The following DNM3 variants were observed in gnomAD, a reference collection of about 807,000 sequenced individuals.
DNM3 encodes the protein dynamin-3.
In DNM3, 47 loss-of-function variants were observed where a neutral mutation model predicts 101.6. The ratio of observed to expected loss-of-function variants is 0.46; its 90% confidence interval spans 0.37 to 0.59. The LOEUF (loss-of-function observed/expected upper bound fraction) is 0.59. Among genes scored for constraint, DNM3 ranks in the 20% least tolerant of loss-of-function variants. The pLI is 0.00. For missense variants in DNM3, 849 were observed against 1,085.7 expected, an observed-to-expected ratio of 0.78 and a Z score of 3.06; for synonymous variants, 385 against 387.9, an observed-to-expected ratio of 0.99 and a Z score of 0.09.
intron 13 of DNM3, among the ~76,000 whole-genome samples, chr1:172,109,466 T>C (rs1558582474): frequency 6.6e-6 from 1 of 152,232 alleles, no homozygotes; most frequent in Admixed American, 6.5e-5. Context: ...ACTCATCCTG[T>C]GCACATAGCC....
At chr1:171,954,008 T>A (rs1404274761) in intron 2 of DNM3, among the ~76,000 whole-genome samples, 2 of 152,154 alleles carry the variant, frequency 1.3e-5, no homozygotes, top group African/African-American at 2.4e-5. Flanking sequence ...CTGCATGCAA[T>A]CCCTGTGGGC....
intron 15 of DNM3, among the ~76,000 whole-genome samples, chr1:172,296,411 TTCCA>T (rs2064164013): frequency 6.6e-6 from 1 of 152,194 alleles, no homozygotes; most frequent in Non-Finnish European, 1.5e-5. Flanking sequence ...ACTGGGTCAT[TTCCA>T]GGTTTGAACC....
chr1:171,845,348 A>G (rs1453077602), intron 1 of DNM3, among the ~76,000 whole-genome samples: 1 of 152,242 alleles, frequency 6.6e-6, no homozygotes, highest in Admixed American at 6.5e-5. Context: ...CAGGAGTTTG[A>G]GACCAGTCTG....
At chr1:172,413,445 T>C (rs951875752), downstream of DNM3, among the ~76,000 whole-genome samples, 19 of 152,262 alleles carry the variant, frequency 1.2e-4, no homozygotes, top group South Asian at 2.1e-4. Flanking sequence ...GCCAGGATGG[T>C]CTCGATCTCT....
At chr1:171,856,992 G>GA (rs1365357638) in intron 1 of DNM3, among the ~76,000 whole-genome samples, 1 of 152,208 alleles carries the variant, frequency 6.6e-6, no homozygotes, top group Non-Finnish European at 1.5e-5. Context: ...CAGACGCACA[G>GA]AAATAAGGAT....
At chr1:172,167,473 T>C (rs2058792629) in intron 14 of DNM3, among the ~76,000 whole-genome samples, 1 of 152,096 alleles carries the variant, frequency 6.6e-6, no homozygotes, top group Non-Finnish European at 1.5e-5. Context: ...TTTCTAGTTC[T>C]AGATCCTTGA....
chr1:172,017,347 C>T (rs2104037), intron 4 of DNM3, among the ~76,000 whole-genome samples: 108,870 of 151,952 alleles, frequency 0.72, 40,276 homozygotes, highest in African/African-American at 0.91. Flanking sequence ...ATATTATACA[C>T]TTCCTTCTAA....
chr1:171,892,910 G>A (rs548098419), intron 1 of DNM3, among the ~76,000 whole-genome samples: 4 of 150,168 alleles, frequency 2.7e-5, no homozygotes, highest in Non-Finnish European at 4.4e-5. Flanking sequence ...GACAGGAAGC[G>A]GAGCTCAGGT....
downstream of DNM3, among the ~76,000 whole-genome samples, chr1:172,413,826 T>C (rs1371766512): frequency 1.3e-5 from 2 of 152,228 alleles, no homozygotes; most frequent in African/African-American, 2.4e-5. Flanking sequence ...TTCTTTTTCA[T>C]ATCTATACAT....
chr1:172,025,443 C>G (rs940171500), intron 4 of DNM3, among the ~76,000 whole-genome samples: 1 of 152,206 alleles, frequency 6.6e-6, no homozygotes, highest in Admixed American at 6.5e-5. Flanking sequence ...GCACAGCATT[C>G]GAGCTCTGCT....
At chr1:171,928,082 C>G (rs1460999291) in intron 2 of DNM3, among the ~76,000 whole-genome samples, 1 of 152,164 alleles carries the variant, frequency 6.6e-6, no homozygotes. Flanking sequence ...GACTTCTTAT[C>G]TCTGGCTTCA....
chr1:171,917,182 G>A (rs2039780762), intron 1 of DNM3, among the ~76,000 whole-genome samples: 1 of 152,136 alleles, frequency 6.6e-6, no homozygotes, highest in Admixed American at 6.5e-5. Flanking sequence ...TCAGTTAAGG[G>A]CAGATGTTAA....
chr1:171,842,615 G>T (rs2031442678), intron 1 of DNM3, among the ~76,000 whole-genome samples: 1 of 152,048 alleles, frequency 6.6e-6, no homozygotes, highest in African/African-American at 2.4e-5. Flanking sequence ...GAACTGACCA[G>T]CATCTTTCTC....
chr1:171,874,501 G>A (rs1207282422), intron 1 of DNM3, among the ~76,000 whole-genome samples: 1 of 152,124 alleles, frequency 6.6e-6, no homozygotes, highest in Non-Finnish European at 1.5e-5. Context: ...TGGTAGAGTT[G>A]ATGAAATTGT....
chr1:171,984,485 G>A (rs138916602), intron 2 of DNM3, among the ~76,000 whole-genome samples: 283 of 152,182 alleles, frequency 1.9e-3, no homozygotes, highest in Non-Finnish European at 3.0e-3. Context: ...CACTCTGCCC[G>A]GATGCCCTTC....
intron 9 of DNM3, among the ~76,000 whole-genome samples, chr1:172,045,008 T>TGAGGCTG (rs3051637): frequency 0.96 from 146,093 of 151,958 alleles, 70,266 homozygotes; most frequent in Middle Eastern, 1. Context: ...TGGAGGTTGT[T>TGAGGCTG]GAGGATAAAA....
intron 14 of DNM3, among the ~76,000 whole-genome samples, chr1:172,224,134 C>A (rs566150690): frequency 7.2e-5 from 11 of 152,240 alleles, no homozygotes; most frequent in Admixed American, 3.9e-4. Context: ...CTTTTCCTGA[C>A]CTCTATTCAG....
intron 14 of DNM3, among the ~76,000 whole-genome samples, chr1:172,170,765 C>A (rs2148340969): frequency 6.6e-6 from 1 of 151,896 alleles, no homozygotes; most frequent in South Asian, 2.1e-4. Context: ...GCCCACAAAT[C>A]CCATCATAAA....
intron 1 of DNM3, among the ~76,000 whole-genome samples, chr1:171,875,842 C>A (rs532028858): frequency 4.9e-5 from 3 of 61,182 alleles, no homozygotes; most frequent in African/African-American, 2.7e-4. Flanking sequence ...GATGGAGTAT[C>A]GTTCTGTCGC....
Sources: gnomAD v4.1 joint callset for allele counts (sites outside exome capture counted in the v4.1 genomes callset) on GRCh38, gnomAD v4.1.1 for gene constraint, MANE v1.5 for transcripts, NCBI Gene and HGNC (gene_info 2026-07-23, HGNC 2026-07-21) for gene names.